ZNF578: variants seen among roughly 807,000 people sequenced by gnomAD.
ZNF578 encodes Putative chemokine-related protein B42.
Under a neutral mutation model 8.3 loss-of-function variants are expected in ZNF578, and 8 were observed. The observed-to-expected ratio is 0.96, with a 90% CI of 0.56 to 1.74. The LOEUF (loss-of-function observed/expected upper bound fraction) is 1.74, where lower values mean the gene tolerates loss of function less well. ZNF578 is among the 40% of genes most tolerant of loss of function. The pLI is 0.00. For missense variants in ZNF578, 726 were observed against 707.5 expected (o/e 1.03, Z -0.30); for synonymous variants, 206 against 232.2 (o/e 0.89, Z 1.03).
intron 2 of ZNF578, among the ~76,000 whole-genome samples, chr19:52,466,813 A>G (rs2122783582): frequency 6.6e-6 from 1 of 152,324 alleles, no homozygotes; most frequent in East Asian, 1.9e-4. Context: ...TTATCTCTAC[A>G]GTAGTTTCCA....
At chr19:52,485,346 T>A (rs913103883) in intron 2 of ZNF578, among the ~76,000 whole-genome samples, 2 of 152,138 alleles carry the variant, frequency 1.3e-5, no homozygotes, top group African/African-American at 4.8e-5. Flanking sequence ...GTGCAGAGCA[T>A]TTTGCAAATA....
chr19:52,498,532 C>T (rs1378907426), intron 3 of ZNF578, among the ~76,000 whole-genome samples: 2 of 151,906 alleles, frequency 1.3e-5, no homozygotes, highest in African/African-American at 4.8e-5. Flanking sequence ...GGGCATTCAC[C>T]GTGTTAGCCA....
In ZNF578 at chr19:52,496,177, C is replaced by G. The variant is rs1000158853; in HGVS notation, c.-20+4752C>G. On this transcript the variant is annotated intron_variant, in intron 3 of 5. Transcript: ENST00000421239. ...GGGATTATAGGCGCCCACAACCACACCTGTCTGATTTTTGTATTTTTAGTA... is the reference window on the plus strand; with the variant it reads ...GGGATTATAGGCGCCCACAACCACAGCTGTCTGATTTTTGTATTTTTAGTA... Among the ~76,000 whole-genome samples the G allele has an allele frequency of 1.2e-4, 18 of 151,574 alleles. No individual in the cohort carries two copies. The South Asian group carries it at 1.3e-3, about 11-fold the overall frequency.
Position 52,459,769 on chromosome 19 carries a change from ATTTTTT to A in ZNF578, c.-122+2830_-122+2835del, listed in dbSNP as rs1164629700. Among the ~76,000 whole-genome samples, 9 of 17,620 alleles carry A rather than the reference ATTTTTT, an allele frequency of 5.1e-4. 3 individuals are homozygous for A. The highest frequency in any genetic ancestry group is 6.0e-4 in the Non-Finnish European group (6 of 10,084). The allele number at this position is 17,620 out of a possible 152,430, so 11.6% of individuals were successfully genotyped here. ...TGTGTGTGTATATATATATATATAT[ATTTTTT>A]TTTTTTTTTTTTTTTTTTGAGATGG... On this transcript the variant is annotated intron_variant, in intron 2 of 5. Transcript: ENST00000421239.
At chr19:52,475,261 T>G (rs976044217) in intron 2 of ZNF578, 18 of 219,358 alleles carry the variant, frequency 8.2e-5, no homozygotes, top group African/African-American at 4.2e-4. Context: ...TCTGTTCTTG[T>G]GGGAGCAATG....
intron 5 of ZNF578, among the ~76,000 whole-genome samples, chr19:52,507,467 A>G (rs986843058): frequency 1.3e-5 from 2 of 152,098 alleles, no homozygotes; most frequent in Non-Finnish European, 2.9e-5. Flanking sequence ...CTGAGGCACG[A>G]GACTCTCTTT....
chr19:52,512,426 C>A lies in ZNF578; in HGVS notation c.*272C>A. The A allele has an allele frequency of 1.4e-6, 2 of 1,441,630 alleles. No homozygotes were observed. The highest frequency in any genetic ancestry group is 1.9e-6 in the Non-Finnish European group (2 of 1,029,208). The allele number at this position is 1,441,630 out of a possible 1,614,324, so 89.3% of individuals were successfully genotyped here. ...AGAATCCATAATGAAGAGAGATCTT[C>A]CGAGTGTAATAAATGTGGCAAATTT... On this transcript the variant is annotated 3_prime_UTR_variant, in exon 6 of 6. Transcript: ENST00000421239.
At chr19:52,509,992 G>T (rs1459172452) in intron 5 of ZNF578, among the ~76,000 whole-genome samples, 6 of 150,330 alleles carry the variant, frequency 4.0e-5, no homozygotes, top group Non-Finnish European at 4.4e-5. Flanking sequence ...AGTGATTCTT[G>T]TGCCTCAGCC....
At chr19:52,507,897 A>G (rs1313035436) in intron 5 of ZNF578, among the ~76,000 whole-genome samples, 3 of 151,994 alleles carry the variant, frequency 2.0e-5, no homozygotes, top group African/African-American at 7.3e-5. Context: ...TAAAACTACA[A>G]AATTAGCCGG....
intron 2 of ZNF578, among the ~76,000 whole-genome samples, chr19:52,488,419 T>G (rs1481275514): frequency 6.6e-6 from 1 of 151,884 alleles, no homozygotes; most frequent in African/African-American, 2.4e-5. Flanking sequence ...CCATCCTGGC[T>G]AACACGGTGA....
intron 2 of ZNF578, among the ~76,000 whole-genome samples, chr19:52,470,862 A>C (rs2059289687): frequency 6.6e-6 from 1 of 152,180 alleles, no homozygotes; most frequent in South Asian, 2.1e-4. Context: ...CCCTATCCAA[A>C]ACTCATGTTG....
At position 52,514,007 on chromosome 19, in the gene ZNF578, A is replaced by C. The variant is rs1182396330; in HGVS notation, c.*1853A>C. Among the ~76,000 whole-genome samples, 1 of 148,540 alleles carries C rather than the reference A, an allele frequency of 6.7e-6. No homozygotes were observed. The highest frequency in any genetic ancestry group is 2.5e-5 in the African/African-American group (1 of 39,658). On this transcript the variant is annotated 3_prime_UTR_variant, in exon 6 of 6. Coordinates refer to ENST00000421239, the MANE Select transcript of ZNF578 (RefSeq NM_001099694.2). Reference sequence around the variant, plus strand: ...GCCACTGTACTGCAGCGAGGTTGGCAGAGTGAGTCTCCATCTCAAACAAAC... The same window carrying C: ...GCCACTGTACTGCAGCGAGGTTGGCCGAGTGAGTCTCCATCTCAAACAAAC...
intron 2 of ZNF578, among the ~76,000 whole-genome samples, chr19:52,490,484 T>C (rs1436636174): frequency 1.3e-5 from 2 of 152,180 alleles, no homozygotes; most frequent in East Asian, 3.8e-4. Flanking sequence ...TGGGTTAGAA[T>C]AGTTTACTGA....
chr19:52,476,142 C>T (rs940494839), intron 2 of ZNF578, among the ~76,000 whole-genome samples: 1 of 151,912 alleles, frequency 6.6e-6, no homozygotes, highest in African/African-American at 2.4e-5. Context: ...TCTATTACTA[C>T]AAGAGGCCAG....
At chr19:52,507,095 T>TA (rs1429013288) in intron 5 of ZNF578, among the ~76,000 whole-genome samples, 2 of 151,966 alleles carry the variant, frequency 1.3e-5, no homozygotes, top group African/African-American at 4.8e-5. Flanking sequence ...TCTACTAAAT[T>TA]AAAAAAAACT....
rs1187816051 is a variant in ZNF578, at chr19:52,515,451, C to G, written c.*3297C>G. 3.9e-5 allele frequency among the ~76,000 whole-genome samples: 6 copies of G among 152,258 alleles called. No homozygotes were observed. Among genetic ancestry groups the G allele is most frequent in the Non-Finnish European group, 1.5e-5 (1 of 68,028 alleles). On this transcript the variant is annotated 3_prime_UTR_variant, in exon 6 of 6. Coordinates refer to ENST00000421239, the MANE Select transcript of ZNF578 (RefSeq NM_001099694.2). The stretch of plus-strand genomic sequence containing the variant: ...CATCAGAACCTTGCAAAAGAAGTTT[C>G]TTTAGCCCAGGTTTGTGAAAGAGGT...
chr19:52,484,197 A>C (rs2059336871), intron 2 of ZNF578, among the ~76,000 whole-genome samples: 2 of 152,230 alleles, frequency 1.3e-5, no homozygotes. Context: ...CAATGCCTTA[A>C]AGAGCAGTAT....
intron 4 of ZNF578, among the ~76,000 whole-genome samples, chr19:52,503,942 T>C (rs1459264125): frequency 2.0e-5 from 3 of 149,120 alleles, no homozygotes; most frequent in African/African-American, 7.4e-5. Context: ...GGAGTACAGG[T>C]CCACACCACG....
At chr19:52,501,975 G>A in intron 4 of ZNF578, 67 bp downstream of exon 4, 2 of 1,574,240 alleles carry the variant, frequency 1.3e-6, no homozygotes, top group Non-Finnish European at 1.7e-6. Flanking sequence ...GTATTATATT[G>A]TATTGTAGTA....
Sources: allele counts gnomAD v4.1 joint callset (sites outside exome capture counted in the v4.1 genomes callset), GRCh38; gene constraint gnomAD v4.1.1; transcripts MANE v1.5; gene names NCBI Gene and HGNC (gene_info 2026-07-23, HGNC 2026-07-21).